SLC20A1: variants seen among roughly 807,000 people sequenced by gnomAD.
The protein encoded by SLC20A1 is sodium-dependent phosphate transporter 1.
A neutral mutation model predicts 62.7 loss-of-function variants in SLC20A1; 28 were observed. The ratio of observed to expected loss-of-function variants is 0.45; its 90% CI spans 0.33 to 0.61. SLC20A1 has a LOEUF of 0.61. SLC20A1 is among the 20% of genes least tolerant of loss of function. SLC20A1 has a pLI of 0.02. For missense variants in SLC20A1, 673 were observed against 838.6 expected, an observed-to-expected ratio of 0.80 and a Z score of 2.44; for synonymous variants, 305 against 302.9, an observed-to-expected ratio of 1.01 and a Z score of -0.07.
intron 6 of SLC20A1, among the ~76,000 whole-genome samples, chr2:112,658,173 C>T (rs1242723613): frequency 6.6e-6 from 1 of 152,144 alleles, no homozygotes; most frequent in African/African-American, 2.4e-5. Flanking sequence ...ACAAGTCTTG[C>T]TTTATGTTAG....
intron 1 of SLC20A1, among the ~76,000 whole-genome samples, 160 bp from the exon 2 acceptor site, chr2:112,646,403 C>G (rs1397261226): frequency 6.6e-6 from 1 of 151,966 alleles, no homozygotes; most frequent in East Asian, 1.9e-4. Flanking sequence ...GCGGAGGACC[C>G]GGAGCCACGT....
In SLC20A1 at chr2:112,659,781, T is replaced by TA. The variant is rs780506793; in HGVS notation, c.1607+20dup. On this transcript the variant is annotated intron_variant, in intron 8 of 10. Coordinates refer to ENST00000272542, the MANE Select transcript of SLC20A1 (RefSeq NM_005415.5). ...ACGTAAGGTCAGTTGACATTGATCT[T>TA]AGTGTTGCTAACCCTATTTTTAAAC... The TA allele has an allele frequency of 1.9e-6, 3 of 1,592,682 alleles. No individual in the cohort carries two copies. The East Asian group carries it at 6.7e-5, about 36-fold the overall frequency.
chr2:112,659,890 G>A (rs1574190232), intron 8 of SLC20A1, 128 bp downstream of exon 8: 1 of 709,148 alleles, frequency 1.4e-6, no homozygotes, highest in East Asian at 2.6e-5. Flanking sequence ...ATAGGATGAG[G>A]TAATAGCAGT....
Position 112,659,522 on chromosome 2 carries a change from A to G in SLC20A1, c.1367A>G (p.Lys456Arg), listed in dbSNP as rs779241578. The change falls in exon 8 of 11, where the codon AAG becomes AGG. Residue 456 changes from lysine to arginine, a missense_variant. By Grantham distance (26) the Lys-to-Arg change is conservative. Transcript: ENST00000272542. ...EKLTWPNADS[K>R]KRIRMDSYTS... Reference sequence around the variant, plus strand: ...CTGACATGGCCTAATGCAGACTCCAAGAAGCGAATTCGAATGGACAGTTAC... The same window carrying G: ...CTGACATGGCCTAATGCAGACTCCAGGAAGCGAATTCGAATGGACAGTTAC... 4 of 1,614,138 alleles carry G rather than the reference A, an allele frequency of 2.5e-6. No individual in the cohort carries two copies. The African/African-American group carries it at 5.3e-5, about 22-fold the overall frequency.
At chr2:112,648,521 A>C (rs1257599346) in intron 4 of SLC20A1, among the ~76,000 whole-genome samples, 1 of 152,198 alleles carries the variant, frequency 6.6e-6, no homozygotes, top group Non-Finnish European at 1.5e-5. Flanking sequence ...GTGTTCCTAA[A>C]CTGTAGAAAT....
chr2:112,658,090 G>A (rs1686645154), intron 6 of SLC20A1, among the ~76,000 whole-genome samples: 1 of 152,264 alleles, frequency 6.6e-6, no homozygotes, highest in Non-Finnish European at 1.5e-5. Flanking sequence ...TAGTCTGGCT[G>A]TGCCGAGTGC....
intron 4 of SLC20A1, among the ~76,000 whole-genome samples, chr2:112,649,241 T>G (rs1686364512): frequency 6.6e-6 from 1 of 152,224 alleles, no homozygotes; most frequent in South Asian, 2.1e-4. Flanking sequence ...ATTTCTTAAT[T>G]GTATATTTCC....
Position 112,658,817 on chromosome 2 carries a change from T to A in SLC20A1, c.779-8T>A. ...CAAACCAAAAAAGACCCCCCTTTTT[T>A]TTCCTAGGAGAAATAAAGTGTAGTC... is the stretch of plus-strand genomic sequence containing the variant. On this transcript the variant is annotated splice_polypyrimidine_tract_variant and splice_region_variant and intron_variant, in intron 6 of 10. Coordinates refer to ENST00000272542, the MANE Select transcript of SLC20A1 (RefSeq NM_005415.5). 2 of 1,583,636 alleles carry A rather than the reference T, an allele frequency of 1.3e-6. No individual in the cohort carries two copies. Among genetic ancestry groups the A allele is most frequent in the South Asian group, 1.2e-5 (1 of 86,458 alleles).
chr2:112,657,614 G>T (rs1315487602), intron 6 of SLC20A1, among the ~76,000 whole-genome samples: 5 of 152,132 alleles, frequency 3.3e-5, no homozygotes, highest in Non-Finnish European at 7.4e-5. Context: ...AAAATAAGGG[G>T]TAGATACAAG....
chr2:112,660,292 A>G (rs1422574785), intron 8 of SLC20A1, 95 bp from the exon 9 acceptor site: 11 of 1,095,052 alleles, frequency 1.0e-5, no homozygotes, highest in Admixed American at 6.6e-5. Context: ...TGAAAGCTGT[A>G]CTTTAGACAA....
intron 5 of SLC20A1, among the ~76,000 whole-genome samples, chr2:112,655,680 T>C (rs1268194779): frequency 6.6e-6 from 1 of 152,148 alleles, no homozygotes; most frequent in Non-Finnish European, 1.5e-5. Flanking sequence ...TAAATAGGAT[T>C]GTATAGTGCT....
intron 10 of SLC20A1, among the ~76,000 whole-genome samples, chr2:112,661,989 C>CT (rs1686761499): frequency 6.6e-6 from 1 of 152,136 alleles, no homozygotes; most frequent in Non-Finnish European, 1.5e-5. Flanking sequence ...TCTAACAAGT[C>CT]TGTGAGGCTT....
At chr2:112,651,194 C>A (rs1227923978) in intron 4 of SLC20A1, among the ~76,000 whole-genome samples, 1 of 152,148 alleles carries the variant, frequency 6.6e-6, no homozygotes, top group Admixed American at 6.6e-5. Context: ...TTACTTTACA[C>A]ATGGGTCTGA....
rs375259188 is a variant in SLC20A1 at position 112,647,248 on chromosome 2, C to T, written c.335-76C>T. 29 of 1,582,554 alleles carry T rather than the reference C, an allele frequency of 1.8e-5. No individual in the cohort carries two copies. The African/African-American group carries it at 2.6e-4, about 14-fold the overall frequency. ...GTTCCATTTTTGTGCATAACCTTTC[C>T]GATTAACCTTTCTGAATGTGCCACT... On this transcript the variant is annotated intron_variant, in intron 2 of 10. Transcript: ENST00000272542.
chr2:112,650,149 T>C (rs1382601406), intron 4 of SLC20A1, among the ~76,000 whole-genome samples: 3 of 152,222 alleles, frequency 2.0e-5, no homozygotes, highest in Admixed American at 6.5e-5. Flanking sequence ...GAATACTTAA[T>C]TGGGCTATGC....
rs762708509 is a variant in SLC20A1, at chr2:112,662,896, G to A, written c.1911G>A (p.Arg637=). Reference sequence around the variant, plus strand: ...CTGTTGTGTCTGTTGGCTGGCTCCGGTCCAAGAAGGCTGTTGACTGGCGTC... The same window carrying A: ...CTGTTGTGTCTGTTGGCTGGCTCCGATCCAAGAAGGCTGTTGACTGGCGTC... ...VGSVVSVGWL[R]SKKAVDWRLF... Residue 637 remains arginine (R), a synonymous_variant, in exon 11 of 11, where the codon CGG becomes CGA. Coordinates refer to ENST00000272542, the MANE Select transcript of SLC20A1 (RefSeq NM_005415.5). 1 of 1,614,140 alleles carries A rather than the reference G, an allele frequency of 6.2e-7. No individual in the cohort carries two copies. Among genetic ancestry groups the A allele is most frequent in the South Asian group, 1.1e-5 (1 of 91,078 alleles).
intron 5 of SLC20A1, among the ~76,000 whole-genome samples, chr2:112,654,269 A>G (rs1408417835): frequency 6.6e-6 from 1 of 152,244 alleles, no homozygotes; most frequent in Non-Finnish European, 1.5e-5. Flanking sequence ...GCCGGTGAAG[A>G]GAAGTTTGTA....
chr2:112,647,423 A>G lies in SLC20A1; in HGVS notation c.434A>G (p.Lys145Arg), dbSNP rs41279744. ...GATIGFSLVA[K>R]GQEGVKWSEL... is the part of the protein sequence containing the mutation. ...ACTATTGGTTTCTCCCTCGTGGCAA[A>G]GGGGCAGGAGGGTGTCAAGTGGTCT... is the stretch of plus-strand genomic sequence containing the variant. Residue 145 changes from lysine (K) to arginine (R), a missense_variant, in exon 3 of 11, where the codon AAG becomes AGG. Lys to Arg is a conservative substitution (Grantham distance 26). Coordinates refer to ENST00000272542, the MANE Select transcript of SLC20A1 (RefSeq NM_005415.5). 2 of 1,614,054 alleles carry G rather than the reference A, an allele frequency of 1.2e-6. No homozygotes were observed. Among genetic ancestry groups the G allele is most frequent in the Non-Finnish European group, 1.7e-6 (2 of 1,179,968 alleles).
intron 6 of SLC20A1, 80 bp from the exon 7 acceptor site, chr2:112,658,745 T>G (rs1007455416): frequency 1.6e-4 from 226 of 1,448,680 alleles, no homozygotes; most frequent in Non-Finnish European, 2.0e-4. Flanking sequence ...ATGAGTTTTT[T>G]GGGGGTGGAG....
Sources: allele counts gnomAD v4.1 joint callset (sites outside exome capture counted in the v4.1 genomes callset), GRCh38; gene constraint gnomAD v4.1.1; transcripts MANE v1.5; gene names NCBI Gene and HGNC (gene_info 2026-07-23, HGNC 2026-07-21).